Variants in PLXDC2 observed in about 807,000 individuals in gnomAD.
PLXDC2 encodes plexin domain-containing protein 2.
In PLXDC2, 40 loss-of-function variants were observed where a neutral mutation model predicts 68.9. The ratio of observed to expected loss-of-function variants is 0.58; its 90% confidence interval spans 0.45 to 0.76. The LOEUF (loss-of-function observed/expected upper bound fraction) is 0.76, where lower values mean the gene tolerates loss of function less well. Ranked by LOEUF, PLXDC2 falls within the 30% of genes least tolerant of loss-of-function variation. The pLI is 0.00. For missense variants in PLXDC2, 644 were observed against 661.9 expected (o/e 0.97, Z 0.30); for synonymous variants, 243 against 234.2 (o/e 1.04, Z -0.34).
intron 1 of PLXDC2, among the ~76,000 whole-genome samples, chr10:19,855,546 T>G (rs558380622): frequency 2.0e-4 from 31 of 152,300 alleles, no homozygotes; most frequent in South Asian, 1.2e-3. Flanking sequence ...GTTTCTGGTT[T>G]CATATTTTTC....
chr10:20,252,799 A>G (rs73605617), intron 13 of PLXDC2, among the ~76,000 whole-genome samples: 2 of 152,196 alleles, frequency 1.3e-5, no homozygotes, highest in East Asian at 3.9e-4. Flanking sequence ...TTAGGTGTGG[A>G]TTTCACGTTG....
rs542911820 is a variant in PLXDC2 at position 19,845,389 on chromosome 10, T to C, written c.112+28198T>C. On this transcript the variant is annotated intron_variant, in intron 1 of 13. Coordinates refer to ENST00000377252, the MANE Select transcript of PLXDC2 (RefSeq NM_032812.9). ...AGGAGGGGAAGTGTCACGTTAAGCCTGTGCCATGAGGTGTTCCTTGGGATC... is the reference window on the plus strand; with the variant it reads ...AGGAGGGGAAGTGTCACGTTAAGCCCGTGCCATGAGGTGTTCCTTGGGATC... Among the ~76,000 whole-genome samples, 40 of 152,276 alleles carry C rather than the reference T, an allele frequency of 2.6e-4. 1 individual carries two copies. The highest frequency in any genetic ancestry group is 9.4e-4 in the African/African-American group (39 of 41,570).
At chr10:19,837,105 G>GTTT (rs139161456) in intron 1 of PLXDC2, among the ~76,000 whole-genome samples, 19,279 of 148,788 alleles carry the variant, frequency 0.13, 1,400 homozygotes, top group Non-Finnish European at 0.16. Context: ...TGAATTGAAG[G>GTTT]TTTTTTTTTT....
chr10:20,150,679 G>A (rs1834141246), intron 6 of PLXDC2, among the ~76,000 whole-genome samples: 1 of 152,178 alleles, frequency 6.6e-6, no homozygotes, highest in Non-Finnish European at 1.5e-5. Flanking sequence ...AGTAAGTTTG[G>A]AGACTTAGGT....
chr10:19,824,698 C>T (rs565048958), intron 1 of PLXDC2, among the ~76,000 whole-genome samples: 1 of 152,236 alleles, frequency 6.6e-6, no homozygotes, highest in East Asian at 1.9e-4. Flanking sequence ...AAAGTTTCTT[C>T]CACTATTTAT....
intron 9 of PLXDC2, among the ~76,000 whole-genome samples, chr10:20,200,672 G>A (rs967307146): frequency 5.3e-5 from 8 of 151,886 alleles, no homozygotes; most frequent in African/African-American, 1.7e-4. Context: ...TCAAACATCC[G>A]AACAGCAAAT....
Position 20,279,813 on chromosome 10 carries a change from G to C in PLXDC2, c.1584G>C (p.Gln528His), listed in dbSNP as rs200813904. The change falls in exon 14 of 14, where the codon CAG (glutamine) becomes CAC (histidine). Residue 528 changes from glutamine (Q) to histidine (H), a missense_variant. By Grantham distance (24) the Gln-to-His change is conservative. This residue lies in a region of PLXDC2 where 330 missense variants were observed against 327.9 expected (regional missense o/e 1.01). Transcript: ENST00000377252. ...AAGAAGGCTTTATTGTATCAGAGCA[G>C]TGCTAAAATTTCTAGGACAGAACAA... The part of the protein sequence containing the change: ...GEKEGFIVSE[Q>H]C The C allele has an allele frequency of 7.1e-5, 115 of 1,613,674 alleles. No homozygotes were observed. Among genetic ancestry groups the C allele is most frequent in the Middle Eastern group, 1.7e-4 (1 of 6,060 alleles).
chr10:19,831,002 T>G (rs377755930), intron 1 of PLXDC2, among the ~76,000 whole-genome samples: 2,145 of 151,968 alleles, frequency 0.014, 34 homozygotes, highest in East Asian at 0.059. Context: ...TCCTTTTTTT[T>G]TTTGTTTGTT....
chr10:20,215,307 G>A (rs990452704), intron 10 of PLXDC2, among the ~76,000 whole-genome samples: 6 of 152,056 alleles, frequency 3.9e-5, no homozygotes, highest in South Asian at 2.1e-4. Flanking sequence ...ACATTGGTAC[G>A]AGAAATTTCA....
At chr10:19,909,405 A>C (rs1833226367) in intron 1 of PLXDC2, among the ~76,000 whole-genome samples, 1 of 152,216 alleles carries the variant, frequency 6.6e-6, no homozygotes, top group Non-Finnish European at 1.5e-5. Context: ...TCCAAATGCA[A>C]GTTAGCAAGA....
At chr10:19,896,298 G>T (rs950555141) in intron 1 of PLXDC2, among the ~76,000 whole-genome samples, 1 of 152,214 alleles carries the variant, frequency 6.6e-6, no homozygotes, top group African/African-American at 2.4e-5. Context: ...ATGGTGCTCA[G>T]TCTGGCACCA....
At chr10:20,004,950 G>A (rs1443147278) in intron 2 of PLXDC2, among the ~76,000 whole-genome samples, 2 of 152,168 alleles carry the variant, frequency 1.3e-5, no homozygotes, top group Non-Finnish European at 2.9e-5. Context: ...CAGGTACTGT[G>A]TGGATGCTCT....
chr10:19,981,985 T>C (rs1834558354), intron 1 of PLXDC2, among the ~76,000 whole-genome samples: 1 of 152,212 alleles, frequency 6.6e-6, no homozygotes, highest in Non-Finnish European at 1.5e-5. Flanking sequence ...AGGCAATGCA[T>C]GTGAAAACAC....
chr10:20,105,141 G>A (rs2461919), intron 4 of PLXDC2, among the ~76,000 whole-genome samples: 50,209 of 151,586 alleles, frequency 0.33, 10,781 homozygotes, highest in Non-Finnish European at 0.49. Flanking sequence ...TGACCTTAAG[G>A]AACAAGGTGA....
chr10:19,958,035 G>C (rs913619773), intron 1 of PLXDC2, among the ~76,000 whole-genome samples: 3 of 151,788 alleles, frequency 2.0e-5, no homozygotes, highest in African/African-American at 7.3e-5. Context: ...GCATATTCTT[G>C]TTAAGTTCAG....
intron 13 of PLXDC2, among the ~76,000 whole-genome samples, chr10:20,272,359 C>T (rs1339281066): frequency 6.6e-6 from 1 of 151,850 alleles, no homozygotes; most frequent in Non-Finnish European, 1.5e-5. Flanking sequence ...ACCAGGAGGA[C>T]AGAGTTTACT....
At chr10:19,910,991 A>G (rs538307218) in intron 1 of PLXDC2, among the ~76,000 whole-genome samples, 1 of 152,206 alleles carries the variant, frequency 6.6e-6, no homozygotes, top group South Asian at 2.1e-4. Context: ...CTGAGGGGAC[A>G]GTGTGAGACT....
intron 9 of PLXDC2, among the ~76,000 whole-genome samples, chr10:20,186,091 A>C (rs1834678825): frequency 6.6e-6 from 1 of 151,992 alleles, no homozygotes; most frequent in African/African-American, 2.4e-5. Flanking sequence ...CCAAGTTTAA[A>C]ATTAAAAATA....
intron 4 of PLXDC2, among the ~76,000 whole-genome samples, chr10:20,080,523 G>A (rs1836534201): frequency 6.6e-6 from 1 of 152,156 alleles, no homozygotes; most frequent in Admixed American, 6.5e-5. Context: ...CTTAGAGTCT[G>A]ATGTTCGAGG....
Sources: gnomAD v4.1 joint callset for allele counts (sites outside exome capture counted in the v4.1 genomes callset) on GRCh38, gnomAD v4.1.1 for gene constraint, gnomAD v4.1.1 regional missense constraint, MANE v1.5 for transcripts, NCBI Gene and HGNC (gene_info 2026-07-23, HGNC 2026-07-21) for gene names.